Variants in SV2C observed in about 807,000 individuals in gnomAD.
SV2C encodes solute carrier family 22 member B3.
SV2C carries 49 observed loss-of-function variants against 79.7 expected under a neutral mutation model. That is an observed-to-expected ratio of 0.61 (90% CI 0.49 to 0.78). The LOEUF (loss-of-function observed/expected upper bound fraction) is 0.78, where lower values mean the gene tolerates loss of function less well. Among genes scored for constraint, SV2C ranks in the 30% least tolerant of loss-of-function variants. SV2C has a pLI of 0.00. For missense variants in SV2C, 833 were observed against 912.9 expected (o/e 0.91, Z 1.13); for synonymous variants, 334 against 333.2 (o/e 1.00, Z -0.03).
chr5:76,159,316 G>A (rs1332581323), intron 2 of SV2C, among the ~76,000 whole-genome samples: 2 of 151,946 alleles, frequency 1.3e-5, no homozygotes, highest in African/African-American at 2.4e-5. Context: ...AAGACATCCC[G>A]ATTGGCAAGA....
the SV2C span, among the ~76,000 whole-genome samples, chr5:76,027,503 C>G: frequency 3.9e-5 from 6 of 151,948 alleles, no homozygotes; most frequent in Non-Finnish European, 8.8e-5. Flanking sequence ...TATTTATTTA[C>G]ATTCTAATTG....
the SV2C span, among the ~76,000 whole-genome samples, chr5:75,930,187 G>A: frequency 1.2e-4 from 17 of 147,370 alleles, no homozygotes; most frequent in Admixed American, 6.8e-4. Context: ...CCTGCTTTCC[G>A]CCTCATCTTT....
the SV2C span, among the ~76,000 whole-genome samples, chr5:75,945,312 T>C: frequency 6.6e-6 from 1 of 151,498 alleles, no homozygotes; most frequent in South Asian, 2.1e-4. Flanking sequence ...TACATTATTA[T>C]TTTTCTCTCT....
chr5:76,211,450 A>C (rs946923757), intron 4 of SV2C, among the ~76,000 whole-genome samples: 1 of 143,274 alleles, frequency 7.0e-6, no homozygotes, highest in African/African-American at 2.7e-5. Context: ...AGGGGAGAGA[A>C]GTGTTCTGGT....
chr5:76,091,422 G>A (rs1411791637), intron 1 of SV2C, among the ~76,000 whole-genome samples: 1 of 152,192 alleles, frequency 6.6e-6, no homozygotes, highest in Non-Finnish European at 1.5e-5. Context: ...GGTCCCTGCA[G>A]CAACATCACC....
chr5:76,050,547 C>A, the SV2C span, among the ~76,000 whole-genome samples: 88,230 of 151,978 alleles, frequency 0.58, 27,610 homozygotes, highest in African/African-American at 0.82. Flanking sequence ...TCATTTGTTC[C>A]TTAGTAATTC....
At chr5:76,317,813 A>G (rs1281791648) in intron 12 of SV2C, among the ~76,000 whole-genome samples, 1 of 152,212 alleles carries the variant, frequency 6.6e-6, no homozygotes, top group Non-Finnish European at 1.5e-5. Flanking sequence ...TGGGCAACAG[A>G]GCAAGGCCCT....
At chr5:75,901,806 C>A in the SV2C span, among the ~76,000 whole-genome samples, 38 of 152,380 alleles carry the variant, frequency 2.5e-4, no homozygotes, top group African/African-American at 8.7e-4. Flanking sequence ...GTGCCCCTCC[C>A]CCAGCCTTGC....
At chr5:75,939,722 C>G in the SV2C span, among the ~76,000 whole-genome samples, 1 of 152,134 alleles carries the variant, frequency 6.6e-6, no homozygotes, top group African/African-American at 2.4e-5. Context: ...CATCACATGA[C>G]TTGAAATGCA....
chr5:76,340,572 G>A (rs754337243), intron 12 of SV2C, among the ~76,000 whole-genome samples: 133 of 152,192 alleles, frequency 8.7e-4, no homozygotes, highest in Non-Finnish European at 1.7e-3. Context: ...GGACTGCAAG[G>A]CACACTAATA....
chr5:76,044,124 T>C, the SV2C span, among the ~76,000 whole-genome samples: 1 of 152,214 alleles, frequency 6.6e-6, no homozygotes, highest in Non-Finnish European at 1.5e-5. Context: ...TGTGTTCTCA[T>C]TGTTCAGCTC....
At chr5:75,997,904 T>C in the SV2C span, among the ~76,000 whole-genome samples, 70,418 of 151,456 alleles carry the variant, frequency 0.46, 17,182 homozygotes, top group Middle Eastern at 0.63. Context: ...ATGTTTATTG[T>C]GGCACTATTC....
the SV2C span, among the ~76,000 whole-genome samples, chr5:75,986,786 G>A: frequency 6.6e-6 from 1 of 151,906 alleles, no homozygotes; most frequent in Non-Finnish European, 1.5e-5. Flanking sequence ...TTTATGTCTT[G>A]TGTCTGTTTG....
chr5:76,222,322 A>T (rs1007468398), intron 4 of SV2C, among the ~76,000 whole-genome samples: 1 of 152,252 alleles, frequency 6.6e-6, no homozygotes, highest in Non-Finnish European at 1.5e-5. Flanking sequence ...TTGCTATAAC[A>T]GCATGTATGG....
chr5:76,211,710 G>C (rs992567965), intron 4 of SV2C, among the ~76,000 whole-genome samples: 10 of 152,042 alleles, frequency 6.6e-5, no homozygotes, highest in Non-Finnish European at 7.3e-5. Flanking sequence ...AGTTCTGTTA[G>C]GGAACAACCT....
At chr5:76,270,011 G>A (rs923618118) in intron 4 of SV2C, among the ~76,000 whole-genome samples, 1 of 152,150 alleles carries the variant, frequency 6.6e-6, no homozygotes, top group African/African-American at 2.4e-5. Context: ...GAGCAGAGGT[G>A]AAATTTAACT....
At chr5:75,939,153 T>TG in the SV2C span, among the ~76,000 whole-genome samples, 3 of 152,204 alleles carry the variant, frequency 2.0e-5, no homozygotes, top group African/African-American at 7.2e-5. Context: ...CCCAGCCTCC[T>TG]GGTTTTTCAG....
intron 4 of SV2C, among the ~76,000 whole-genome samples, chr5:76,219,384 A>G (rs1337409484): frequency 6.6e-6 from 1 of 152,234 alleles, no homozygotes; most frequent in Admixed American, 6.5e-5. Context: ...TCCCCATGCA[A>G]TAATAAGATG....
At chr5:75,910,793 G>A in the SV2C span, 61 of 1,343,572 alleles carry the variant, frequency 4.5e-5, no homozygotes, top group South Asian at 7.0e-4. Flanking sequence ...TGGCTGCTAT[G>A]TGACCATCTT....
Sources: gnomAD v4.1 joint callset for allele counts (sites outside exome capture counted in the v4.1 genomes callset) on GRCh38, gnomAD v4.1.1 for gene constraint, MANE v1.5 for transcripts, NCBI Gene and HGNC (gene_info 2026-07-23, HGNC 2026-07-21) for gene names.